Variants in NAALADL2 observed in about 807,000 individuals in gnomAD.
NAALADL2 encodes inactive N-acetylated-alpha-linked acidic dipeptidase-like protein 2.
In NAALADL2, 76 loss-of-function variants were observed where a neutral mutation model predicts 87.2. The ratio of observed to expected loss-of-function variants is 0.87; its 90% CI spans 0.72 to 1.05. NAALADL2 has a LOEUF of 1.05. Among genes scored for constraint, NAALADL2 ranks in the 50% least tolerant of loss-of-function variants. The pLI is 0.00. For missense variants in NAALADL2, 1,089 were observed against 945.8 expected (o/e 1.15, Z -1.99); for synonymous variants, 354 against 331.0 (o/e 1.07, Z -0.75).
rs1394313042 is a variant in NAALADL2 at position 175,206,299 on chromosome 3, T to C, written c.546-27632T>C. On this transcript the variant is annotated intron_variant, in intron 2 of 13. Coordinates refer to ENST00000454872, the MANE Select transcript of NAALADL2 (RefSeq NM_207015.3). Reference sequence around the variant, plus strand: ...CACTGTGTGTGTGTATGTATGTGTATATATATATATATACACATACATACA... The same window carrying C: ...CACTGTGTGTGTGTATGTATGTGTACATATATATATATACACATACATACA... Among the ~76,000 whole-genome samples the C allele has an allele frequency of 8.1e-5, 10 of 123,526 alleles. No individual in the cohort carries two copies. The Admixed American group carries it at 8.4e-4, about 10-fold the overall frequency. The allele number at this position is 123,526 out of a possible 152,430, so 81.0% of individuals were successfully genotyped here.
intron 1 of NAALADL2, among the ~76,000 whole-genome samples, chr3:174,970,214 C>T (rs1055425060): frequency 2.0e-5 from 3 of 152,076 alleles, no homozygotes; most frequent in Non-Finnish European, 2.9e-5. Context: ...GGAACATTAA[C>T]ACAGCATAAA....
At chr3:175,339,391 C>T (rs894884227) in intron 5 of NAALADL2, among the ~76,000 whole-genome samples, 3 of 152,074 alleles carry the variant, frequency 2.0e-5, no homozygotes, top group African/African-American at 7.2e-5. Context: ...AATAATGATT[C>T]ACAATTTGAG....
intron 2 of NAALADL2, among the ~76,000 whole-genome samples, chr3:174,639,033 G>A (rs1722921951): frequency 6.6e-6 from 1 of 152,030 alleles, no homozygotes; most frequent in African/African-American, 2.4e-5. Flanking sequence ...TCTGACTTTT[G>A]GAATTCTTGT....
chr3:175,724,164 A>C (rs562414380), intron 11 of NAALADL2, among the ~76,000 whole-genome samples: 1 of 152,246 alleles, frequency 6.6e-6, no homozygotes, highest in African/African-American at 2.4e-5. Context: ...TACTAATAAA[A>C]GTATAAGGTC....
At chr3:175,274,853 C>A (rs758634054) in intron 4 of NAALADL2, among the ~76,000 whole-genome samples, 55 of 152,238 alleles carry the variant, frequency 3.6e-4, no homozygotes, top group Admixed American at 1.6e-3. Flanking sequence ...GTTATATTTT[C>A]ATTTTATTGA....
chr3:175,178,346 A>G (rs1379856625), intron 2 of NAALADL2, among the ~76,000 whole-genome samples: 2 of 152,044 alleles, frequency 1.3e-5, no homozygotes, highest in Non-Finnish European at 2.9e-5. Context: ...CCAAGTATAC[A>G]TTTTTATCCT....
At chr3:175,784,175 G>A (rs2150227256) in intron 13 of NAALADL2, among the ~76,000 whole-genome samples, 1 of 148,558 alleles carries the variant, frequency 6.7e-6, no homozygotes, top group East Asian at 2.0e-4. Flanking sequence ...TTTTTTGGTT[G>A]TGTCTCTGCC....
At chr3:175,430,011 CA>C (rs1717488599) in intron 5 of NAALADL2, among the ~76,000 whole-genome samples, 1 of 151,808 alleles carries the variant, frequency 6.6e-6, no homozygotes, top group African/African-American at 2.4e-5. Flanking sequence ...GGGGCATGGC[CA>C]AAATGGTCTT....
chr3:174,939,045 G>T (rs1426448499), intron 1 of NAALADL2, among the ~76,000 whole-genome samples: 1 of 152,014 alleles, frequency 6.6e-6, no homozygotes, highest in Non-Finnish European at 1.5e-5. Context: ...TGCTTTTGTT[G>T]TCATTGCTTT....
intron 11 of NAALADL2, among the ~76,000 whole-genome samples, chr3:175,683,868 G>A (rs1276457569): frequency 2.6e-5 from 4 of 151,990 alleles, no homozygotes; most frequent in Non-Finnish European, 5.9e-5. Flanking sequence ...CGGAAATAAT[G>A]TAAAGTATAG....
At chr3:174,805,371 A>AT (rs1275627247) in intron 3 of NAALADL2, among the ~76,000 whole-genome samples, 1 of 151,968 alleles carries the variant, frequency 6.6e-6, no homozygotes, top group Non-Finnish European at 1.5e-5. Context: ...GGAAGCAACT[A>AT]TTTTTTTCTG....
chr3:175,714,072 A>C (rs1407088288), intron 11 of NAALADL2, among the ~76,000 whole-genome samples: 1 of 152,064 alleles, frequency 6.6e-6, no homozygotes, highest in Non-Finnish European at 1.5e-5. Flanking sequence ...ATCCCTTTTT[A>C]TGGCTGCATA....
chr3:175,536,640 T>TAA (rs111962003), intron 9 of NAALADL2, among the ~76,000 whole-genome samples: 4 of 149,258 alleles, frequency 2.7e-5, no homozygotes, highest in African/African-American at 7.4e-5. Context: ...ATTGCTAATT[T>TAA]AAAAAAAAAA....
intron 1 of NAALADL2, among the ~76,000 whole-genome samples, chr3:175,034,949 G>A (rs999627574): frequency 1.3e-5 from 2 of 152,094 alleles, no homozygotes; most frequent in Non-Finnish European, 2.9e-5. Flanking sequence ...ACCTCATTGA[G>A]TGTTTTGTTC....
intron 13 of NAALADL2, among the ~76,000 whole-genome samples, chr3:175,765,575 A>G (rs1748581006): frequency 6.6e-6 from 1 of 152,148 alleles, no homozygotes; most frequent in East Asian, 1.9e-4. Flanking sequence ...CAAAATAGAA[A>G]TACTTGTGTG....
intron 1 of NAALADL2, among the ~76,000 whole-genome samples, chr3:174,997,447 A>G (rs1747651076): frequency 6.6e-6 from 1 of 152,132 alleles, no homozygotes; most frequent in African/African-American, 2.4e-5. Context: ...GCAGACAGGT[A>G]AAGACTGCAA....
At chr3:174,455,053 T>A (rs7610495) in intron 1 of NAALADL2, among the ~76,000 whole-genome samples, 2 of 151,432 alleles carry the variant, frequency 1.3e-5, no homozygotes, top group African/African-American at 4.9e-5. Flanking sequence ...GGGATATTAC[T>A]GCTGACCCCA....
At chr3:175,479,005 T>C (rs1726089467) in intron 9 of NAALADL2, among the ~76,000 whole-genome samples, 1 of 151,820 alleles carries the variant, frequency 6.6e-6, no homozygotes, top group South Asian at 2.1e-4. Flanking sequence ...TATGACAATT[T>C]ATATAGTATT....
intron 1 of NAALADL2, among the ~76,000 whole-genome samples, chr3:174,993,027 G>T (rs1746949505): frequency 6.6e-6 from 1 of 152,070 alleles, no homozygotes; most frequent in Non-Finnish European, 1.5e-5. Flanking sequence ...TAAGAATAGA[G>T]CATATCGAGA....
Sources: gnomAD v4.1 joint callset for allele counts (sites outside exome capture counted in the v4.1 genomes callset) on GRCh38, gnomAD v4.1.1 for gene constraint, MANE v1.5 for transcripts, NCBI Gene and HGNC (gene_info 2026-07-23, HGNC 2026-07-21) for gene names.